The following MAST1 variants were observed in gnomAD, a reference collection of about 807,000 sequenced individuals.
MAST1 encodes microtubule associated serine/threonine kinase 1.
In MAST1, 40 loss-of-function variants were observed where a neutral mutation model predicts 124.6. That is an observed-to-expected ratio of 0.32 (90% CI 0.25 to 0.42). The LOEUF (loss-of-function observed/expected upper bound fraction) is 0.42. Among genes scored for constraint, MAST1 ranks in the 10% least tolerant of loss-of-function variants. MAST1 has a pLI of 1.00. For missense variants in MAST1, 1,558 were observed against 2,181.9 expected, an observed-to-expected ratio of 0.71 and a Z score of 5.70; for synonymous variants, 938 against 939.4, an observed-to-expected ratio of 1.00 and a Z score of 0.03.
At position 12,870,833 on chromosome 19, in the gene MAST1, G is replaced by A; in HGVS notation, c.3013G>A (p.Glu1005Lys). The stretch of plus-strand genomic sequence containing the variant: ...GGTGCTCTTTTCCCAGCATGTGGAG[G>A]AAGGAGGCCCAGCCCAGGAGGCAGG... ...SVHHIVWHVE[E>K]GGPAQEAGLC... The change falls in exon 23 of 26, where the codon GAA (glutamate) becomes AAA (lysine). Residue 1005 changes from glutamate (E) to lysine (K), a missense_variant. Glu to Lys is a moderately conservative substitution (Grantham distance 56). This residue lies in a region of MAST1 where 291 missense variants were observed against 475.8 expected (regional missense o/e 0.61). Coordinates refer to ENST00000251472, the MANE Select transcript of MAST1 (RefSeq NM_014975.3). 1.2e-6 allele frequency: 2 copies of A among 1,606,040 alleles called. No homozygotes were observed. Among genetic ancestry groups the A allele is most frequent in the Non-Finnish European group, 1.7e-6 (2 of 1,175,464 alleles).
chr19:12,873,465 C>T lies in MAST1; in HGVS notation c.3405C>T (p.Arg1135=), dbSNP rs1260561151. The T allele has an allele frequency of 6.2e-7, 1 of 1,610,194 alleles. No individual in the cohort carries two copies. Among genetic ancestry groups the T allele is most frequent in the South Asian group, 1.1e-5 (1 of 91,014 alleles). ...CGCCTACGCACGGGCTGCCGGCGCG[C>T]TCGCCCACGCACAGCTACCGCTCCA... is the stretch of plus-strand genomic sequence containing the variant. The part of the protein sequence containing the change: ...PGSPTHGLPA[R]SPTHSYRSTP... Residue 1135 remains arginine (R), a synonymous_variant, in exon 25 of 26, where the codon CGC becomes CGT. Coordinates refer to ENST00000251472, the MANE Select transcript of MAST1 (RefSeq NM_014975.3).
chr19:12,853,388 G>T (rs1004928972), intron 10 of MAST1, among the ~76,000 whole-genome samples: 1 of 152,006 alleles, frequency 6.6e-6, no homozygotes, highest in Non-Finnish European at 1.5e-5. Flanking sequence ...TTTGAGACCA[G>T]CCTGGGCAGC....
At chr19:12,873,165 C>G in intron 24 of MAST1, 159 bp from the exon 25 acceptor site, 1 of 677,228 alleles carries the variant, frequency 1.5e-6, no homozygotes, top group South Asian at 1.9e-5. Context: ...CCAAGCAGCA[C>G]TGAGCTAAAG....
At chr19:12,845,764 C>A (rs1158897567) in intron 4 of MAST1, among the ~76,000 whole-genome samples, 1 of 150,548 alleles carries the variant, frequency 6.6e-6, no homozygotes, top group African/African-American at 2.5e-5. Context: ...TCAAGCAATT[C>A]TCCTGCCTCA....
In MAST1 at chr19:12,865,521, G is replaced by A. The variant is rs1323307949; in HGVS notation, c.1804+40G>A. The A allele has an allele frequency of 6.5e-7, 1 of 1,541,240 alleles. No individual in the cohort carries two copies. The highest frequency in any genetic ancestry group is 8.7e-7 in the Non-Finnish European group (1 of 1,144,354). On this transcript the variant is annotated intron_variant, in intron 15 of 25. Coordinates refer to ENST00000251472, the MANE Select transcript of MAST1 (RefSeq NM_014975.3). The surrounding 1 kb of genome is among the most constrained non-coding windows in gnomAD (Gnocchi z 7.1). ...AGTGTACAGGGGCAGAGTGTGGTGT[G>A]CACGGAGAGATGGACAGGCTCAGGG...
At position 12,870,940 on chromosome 19, in the gene MAST1, C is replaced by T; in HGVS notation, c.3120C>T (p.Ile1040=). 6.2e-7 allele frequency: 1 copy of T among 1,613,824 alleles called. No individual in the cohort carries two copies. Among genetic ancestry groups the T allele is most frequent in the Non-Finnish European group, 8.5e-7 (1 of 1,179,936 alleles). Residue 1040 remains isoleucine, a synonymous_variant, in exon 23 of 26, where the codon ATC becomes ATT. Transcript: ENST00000251472. ...TGCATCCTGAGGTCGTGGAGCTGAT[C>T]CTTAAGGTGAGTGCAGGGAAGGAGG... The part of the protein sequence containing the change: ...GMVHPEVVEL[I]LKSGNKVAVT...
chr19:12,858,301 A>C, intron 10 of MAST1, 61 bp from the exon 11 acceptor site: 2 of 1,432,590 alleles, frequency 1.4e-6, no homozygotes, highest in Non-Finnish European at 1.9e-6. Flanking sequence ...GTAAAATGAA[A>C]TTAAAAGCAT....
At chr19:12,868,950 C>T in intron 21 of MAST1, 101 bp downstream of exon 21, 1 of 1,535,226 alleles carries the variant, frequency 6.5e-7, no homozygotes, top group East Asian at 2.3e-5. Context: ...GTGATTGGCT[C>T]CAGGCTGGAC....
Position 12,873,453 on chromosome 19 carries a change from G to T in MAST1, c.3393G>T (p.Gly1131=), listed in dbSNP as rs916964298. ...GTCTCCCGGGCTCGCCTACGCACGG[G>T]CTGCCGGCGCGCTCGCCCACGCACA... The part of the protein sequence containing the change: ...SDSLPGSPTH[G]LPARSPTHSY... The change falls in exon 25 of 26, where the codon GGG becomes GGT. Residue 1131 remains glycine, a synonymous_variant. Transcript: ENST00000251472. 17 of 1,611,266 alleles carry T rather than the reference G, an allele frequency of 1.1e-5. No individual in the cohort carries two copies. Among genetic ancestry groups the T allele is most frequent in the Non-Finnish European group, 1.4e-5 (17 of 1,179,772 alleles).
intron 24 of MAST1, 59 bp downstream of exon 24, chr19:12,871,231 G>C: frequency 6.2e-7 from 1 of 1,606,576 alleles, no homozygotes; most frequent in Non-Finnish European, 8.5e-7. Flanking sequence ...AGGCGGGAGG[G>C]GCACAGATGA....
Position 12,868,803 on chromosome 19 carries a change from C to A in MAST1, c.2727C>A (p.Val909=), listed in dbSNP as rs774101907. ...GGCCTTCTCGAACTGGGGGCAAAGT[C>A]ATCAAATCAGCCTCAGCCACTGCCT... ...EKRPSRTGGK[V]IKSASATALS... The change falls in exon 21 of 26, where the codon GTC becomes GTA. Residue 909 remains valine, a synonymous_variant. Transcript: ENST00000251472. 1 of 1,604,096 alleles carries A rather than the reference C, an allele frequency of 6.2e-7. No individual in the cohort carries two copies. The highest frequency in any genetic ancestry group is 1.1e-5 in the South Asian group (1 of 89,770).
At position 12,871,071 on chromosome 19, in the gene MAST1, C is replaced by G. The variant is rs770141518; in HGVS notation, c.3162C>G (p.Phe1054Leu). 1 of 1,614,068 alleles carries G rather than the reference C, an allele frequency of 6.2e-7. No individual in the cohort carries two copies. Among genetic ancestry groups the G allele is most frequent in the African/African-American group, 1.3e-5 (1 of 74,922 alleles). Residue 1054 changes from phenylalanine (F) to leucine (L), a missense_variant, in exon 24 of 26, where the codon TTC becomes TTG. Transcript: ENST00000251472. ...GNKVAVTTTPFENTSIRIGPA... is the reference protein window; with the variant it reads ...GNKVAVTTTPLENTSIRIGPA... ...AGGTAGCAGTGACCACAACGCCCTTCGAAAATACCTCTATCCGCATTGGTC... is the reference window on the plus strand; with the variant it reads ...AGGTAGCAGTGACCACAACGCCCTTGGAAAATACCTCTATCCGCATTGGTC...
rs749065409 is a variant in MAST1 at position 12,867,724 on chromosome 19, A to G, written c.2319-6A>G. Reference sequence around the variant, plus strand: ...TGTCTTCCATAACCACGCCCCCTCCATGCAGCAAGCGATTCTCCGCGTCCG... The same window carrying G: ...TGTCTTCCATAACCACGCCCCCTCCGTGCAGCAAGCGATTCTCCGCGTCCG... On this transcript the variant is annotated splice_region_variant and splice_polypyrimidine_tract_variant and intron_variant, in intron 19 of 25. Transcript: ENST00000251472. The G allele has an allele frequency of 3.5e-5, 53 of 1,531,616 alleles. No homozygotes were observed. The African/African-American group carries it at 4.2e-4, about 12-fold the overall frequency. 94.9% of individuals were successfully genotyped at this position (1,531,616 alleles called of 1,614,324 possible).
rs906072901 is a variant in MAST1 at position 12,858,346 on chromosome 19, C to T, written c.1078-16C>T. 1.9e-6 allele frequency: 3 copies of T among 1,601,782 alleles called. No homozygotes were observed. The South Asian group carries it at 3.3e-5, about 18-fold the overall frequency. On this transcript the variant is annotated splice_polypyrimidine_tract_variant and intron_variant, in intron 10 of 25. Transcript: ENST00000251472. ...ATGATGATGATGGTGGTGTGGTCTC[C>T]ATCTTTTTCCTGAAGGGCCGCAGCA...
intron 4 of MAST1, among the ~76,000 whole-genome samples, chr19:12,844,133 G>A (rs1055904315): frequency 6.6e-6 from 1 of 152,192 alleles, no homozygotes; most frequent in Non-Finnish European, 1.5e-5. Flanking sequence ...ATTTCTGGGA[G>A]GGTCCTTCCT....
chr19:12,841,997 T>G lies in MAST1; in HGVS notation c.248+931T>G, dbSNP rs1349514409. On this transcript the variant is annotated intron_variant, in intron 3 of 25. Transcript: ENST00000251472. This position sits in a 1 kb window ranked among gnomAD's most constrained non-coding sequence, Gnocchi z 4.3. Reference sequence around the variant, plus strand: ...CTGGGAGGAAGAAGGAAGGGAGGAGTCCAATAAATGGGGTGTGTGTGTGTC... The same window carrying G: ...CTGGGAGGAAGAAGGAAGGGAGGAGGCCAATAAATGGGGTGTGTGTGTGTC... 1.1e-4 allele frequency among the ~76,000 whole-genome samples: 16 copies of G among 151,744 alleles called. No individual in the cohort carries two copies. The highest frequency in any genetic ancestry group is 4.4e-5 in the Non-Finnish European group (3 of 67,952).
chr19:12,874,585 C>T lies in MAST1; in HGVS notation c.4428C>T (p.Gly1476=), dbSNP rs776519582. ...LAPSVPEAPR[G]RERWVLEVVE... is the part of the protein sequence containing the mutation. ...CTTCCGTGCCCGAGGCCCCCCGGGG[C>T]CGGGAGCGCTGGGTGTTGGAGGTGG... Residue 1476 remains glycine (G), a synonymous_variant, in exon 26 of 26, where the codon GGC becomes GGT. Coordinates refer to ENST00000251472, the MANE Select transcript of MAST1 (RefSeq NM_014975.3). This position sits in a 1 kb window ranked among gnomAD's most constrained non-coding sequence, Gnocchi z 6.6. 7 of 1,507,630 alleles carry T rather than the reference C, an allele frequency of 4.6e-6. No homozygotes were observed. The South Asian group carries it at 9.3e-5, about 20-fold the overall frequency. 93.4% of individuals were successfully genotyped at this position (1,507,630 alleles called of 1,614,324 possible). A position where few individuals can be genotyped will look rare whatever the true frequency, so the allele number is the denominator to read the frequency against.
Position 12,847,278 on chromosome 19 carries a change from C to T in MAST1, c.328-12C>T, listed in dbSNP as rs1252437871. ...ATGGTGGCTCTGACCCCGGCCCTGC[C>T]CCTGTCCCCAGTCCTCCTGCTCCTC... On this transcript the variant is annotated splice_polypyrimidine_tract_variant and intron_variant, in intron 4 of 25. Transcript: ENST00000251472. This position sits in a 1 kb window ranked among gnomAD's most constrained non-coding sequence, Gnocchi z 5.5. The T allele has an allele frequency of 6.2e-7, 1 of 1,602,872 alleles. No individual in the cohort carries two copies. Among genetic ancestry groups the T allele is most frequent in the East Asian group, 2.2e-5 (1 of 44,804 alleles).
chr19:12,840,697 A>C (rs1038054627), intron 2 of MAST1, among the ~76,000 whole-genome samples, 163 bp downstream of exon 2: 1 of 151,728 alleles, frequency 6.6e-6, no homozygotes, highest in East Asian at 1.9e-4. Flanking sequence ...GGTCAGTCGC[A>C]GAGGGACGGT....
Sources: gnomAD v4.1 joint callset for allele counts (sites outside exome capture counted in the v4.1 genomes callset) on GRCh38, gnomAD v4.1.1 for gene constraint, gnomAD v4.1.1 regional missense constraint, Gnocchi (gnomAD v3.1) non-coding constraint, MANE v1.5 for transcripts, NCBI Gene and HGNC (gene_info 2026-07-23, HGNC 2026-07-21) for gene names.